Variants in C12orf54 observed in about 807,000 individuals in gnomAD.
The protein encoded by C12orf54 is uncharacterized protein C12orf54.
Under a neutral mutation model 26.4 loss-of-function variants are expected in C12orf54, and 24 were observed. The observed-to-expected ratio is 0.91, with a 90% CI of 0.66 to 1.28. The LOEUF is 1.28. Ranked by LOEUF, C12orf54 falls within the 50% of genes most tolerant of loss-of-function variation. The pLI is 0.00. For missense variants in C12orf54, 154 were observed against 150.9 expected (o/e 1.02, Z -0.11); for synonymous variants, 54 against 47.0 (o/e 1.15, Z -0.61).
the C12orf54 span, among the ~76,000 whole-genome samples, chr12:48,419,885 G>A: frequency 6.6e-6 from 1 of 152,124 alleles, no homozygotes; most frequent in African/African-American, 2.4e-5. Context: ...ATAGGTGTCA[G>A]TATTAGAAAA....
At chr12:48,493,566 A>T (rs1454074954) in intron 7 of C12orf54, among the ~76,000 whole-genome samples, 1 of 148,980 alleles carries the variant, frequency 6.7e-6, no homozygotes, top group Non-Finnish European at 1.5e-5. Context: ...GACTGCAGTG[A>T]GCCATGATCA....
At chr12:48,467,389 T>A in the C12orf54 span, among the ~76,000 whole-genome samples, 1 of 152,150 alleles carries the variant, frequency 6.6e-6, no homozygotes, top group South Asian at 2.1e-4. Flanking sequence ...GCCACCAATT[T>A]TGTGGCAATT....
the C12orf54 span, among the ~76,000 whole-genome samples, chr12:48,443,400 G>A: frequency 6.6e-6 from 1 of 152,198 alleles, no homozygotes; most frequent in Admixed American, 6.5e-5. Flanking sequence ...GAGGCGAGCA[G>A]ATTTGGTGTT....
chr12:48,486,494 C>A (rs748780743), intron 3 of C12orf54, 194 bp from the exon 4 acceptor site: 2 of 645,310 alleles, frequency 3.1e-6, no homozygotes, highest in Non-Finnish European at 5.5e-6. Flanking sequence ...AGATCCAGAG[C>A]GAAGCAGGAT....
At chr12:48,449,601 C>G in the C12orf54 span, among the ~76,000 whole-genome samples, 1 of 152,246 alleles carries the variant, frequency 6.6e-6, no homozygotes, top group African/African-American at 2.4e-5. Context: ...GCTTTGTACT[C>G]TACCATGTTA....
upstream of C12orf54, among the ~76,000 whole-genome samples, chr12:48,480,834 A>C (rs565163979): frequency 6.6e-6 from 1 of 152,330 alleles, no homozygotes; most frequent in South Asian, 2.1e-4. Context: ...GGATGGGATA[A>C]AGTGTGGTAC....
At chr12:48,480,319 C>G (rs1954185975), upstream of C12orf54, among the ~76,000 whole-genome samples, 1 of 152,000 alleles carries the variant, frequency 6.6e-6, no homozygotes, top group African/African-American at 2.4e-5. Flanking sequence ...TTGGTTTTTT[C>G]TTGTTTATTT....
chr12:48,467,317 G>A, the C12orf54 span, among the ~76,000 whole-genome samples: 8 of 152,078 alleles, frequency 5.3e-5, no homozygotes, highest in Middle Eastern at 3.2e-3. Flanking sequence ...GAACCCTGTC[G>A]ACACCTTGAT....
the C12orf54 span, among the ~76,000 whole-genome samples, chr12:48,450,699 C>G: frequency 1.3e-5 from 2 of 152,160 alleles, no homozygotes; most frequent in Non-Finnish European, 2.9e-5. Context: ...TTATCAACAC[C>G]TCTATGCACA....
chr12:48,430,685 T>A, the C12orf54 span, among the ~76,000 whole-genome samples: 1 of 152,162 alleles, frequency 6.6e-6, no homozygotes. Context: ...AGGGAACACT[T>A]CTACACTGCT....
the C12orf54 span, among the ~76,000 whole-genome samples, chr12:48,447,564 A>T: frequency 6.6e-6 from 1 of 152,076 alleles, no homozygotes; most frequent in African/African-American, 2.4e-5. Context: ...AAATTATAGA[A>T]CTGAAGTCTT....
At chr12:48,469,829 C>A in the C12orf54 span, among the ~76,000 whole-genome samples, 1 of 152,078 alleles carries the variant, frequency 6.6e-6, no homozygotes, top group Non-Finnish European at 1.5e-5. Flanking sequence ...GTTTGGGGTC[C>A]CTGACTTCCC....
chr12:48,479,582 A>G (rs2137081076), upstream of C12orf54, among the ~76,000 whole-genome samples: 1 of 151,114 alleles, frequency 6.6e-6, no homozygotes, highest in South Asian at 2.1e-4. Flanking sequence ...GCGTTGCTAC[A>G]TGTCAGCTGG....
chr12:48,452,508 T>A, the C12orf54 span, among the ~76,000 whole-genome samples: 10,727 of 151,852 alleles, frequency 0.071, 1,267 homozygotes, highest in African/African-American at 0.24. Context: ...ACTAAAGAGC[T>A]TCTGCACAGA....
At chr12:48,465,808 A>G in the C12orf54 span, among the ~76,000 whole-genome samples, 1 of 152,170 alleles carries the variant, frequency 6.6e-6, no homozygotes, top group South Asian at 2.1e-4. Flanking sequence ...AAACTAACAC[A>G]GGAACAGAAA....
intron 4 of C12orf54, chr12:48,488,051 A>G (rs915188621): frequency 7.2e-6 from 7 of 969,552 alleles, no homozygotes; most frequent in African/African-American, 4.6e-5. Flanking sequence ...CGGAGCTGGC[A>G]GACAAGAATG....
At chr12:48,437,245 T>G in the C12orf54 span, among the ~76,000 whole-genome samples, 8 of 152,136 alleles carry the variant, frequency 5.3e-5, no homozygotes, top group Non-Finnish European at 1.2e-4. Flanking sequence ...GCTCTGAAAT[T>G]GAAGCAATAA....
the C12orf54 span, among the ~76,000 whole-genome samples, chr12:48,465,156 G>A: frequency 6.6e-6 from 1 of 152,108 alleles, no homozygotes; most frequent in Non-Finnish European, 1.5e-5. Context: ...GAAAATATTT[G>A]CAAACTATGC....
chr12:48,489,477 G>A (rs1160742122), intron 5 of C12orf54, among the ~76,000 whole-genome samples: 1 of 152,186 alleles, frequency 6.6e-6, no homozygotes, highest in Non-Finnish European at 1.5e-5. Context: ...CCAGGCTGGA[G>A]TGCAGTGATG....
Sources: gnomAD v4.1 joint callset for allele counts (sites outside exome capture counted in the v4.1 genomes callset) on GRCh38, gnomAD v4.1.1 for gene constraint, MANE v1.5 for transcripts, NCBI Gene and HGNC (gene_info 2026-07-23, HGNC 2026-07-21) for gene names.